The following HECW2 variants were observed in gnomAD, a reference collection of about 807,000 sequenced individuals.
The protein encoded by HECW2 is E3 ubiquitin-protein ligase HECW2.
HECW2 carries 61 observed loss-of-function variants against 175.2 expected under a neutral mutation model. The observed-to-expected ratio is 0.35, with a 90% confidence interval of 0.28 to 0.43. HECW2 has a LOEUF of 0.43. Ranked by LOEUF, HECW2 falls within the 20% of genes least tolerant of loss-of-function variation. The pLI is 1.00. For missense variants in HECW2, 1,524 were observed against 2,000.5 expected, an observed-to-expected ratio of 0.76 and a Z score of 4.54; for synonymous variants, 671 against 731.0, an observed-to-expected ratio of 0.92 and a Z score of 1.32.
At position 196,489,712 on chromosome 2, in the gene HECW2, T is replaced by C. The variant is rs938386135; in HGVS notation, c.-35-56254A>G. ...GGAAGTAGGTCTTTTACTAAGGAAA[T>C]AACCCAAAGAGAAGTGGGAAGGCAG... On this transcript the variant is annotated intron_variant, in intron 1 of 28. Coordinates refer to ENST00000644978, the MANE Select transcript of HECW2 (RefSeq NM_001348768.2). Among the ~76,000 whole-genome samples, 7 of 152,244 alleles carry C rather than the reference T, an allele frequency of 4.6e-5. 1 individual carries two copies. In the East Asian group the frequency reaches 9.7e-4, roughly 21 times the overall value.
chr2:196,588,728 T>C (rs991239628), intron 1 of HECW2, among the ~76,000 whole-genome samples: 8 of 152,212 alleles, frequency 5.3e-5, no homozygotes, highest in Non-Finnish European at 7.3e-5. Flanking sequence ...CATATGGATA[T>C]AATACATATA....
At chr2:196,521,282 C>CAAAAAAAAAAAAAAAA (rs1158051512) in intron 1 of HECW2, among the ~76,000 whole-genome samples, 3 of 53,682 alleles carry the variant, frequency 5.6e-5, no homozygotes, top group Admixed American at 2.6e-4. Flanking sequence ...ACGTGAGTAA[C>CAAAAAAAAAAAAAAAA]AAAAAAAAAA....
At position 196,363,775 on chromosome 2, in the gene HECW2, A is replaced by G. The variant is rs140841909; in HGVS notation, c.293-20011T>C. On this transcript the variant is annotated intron_variant, in intron 2 of 28. Transcript: ENST00000644978. Reference sequence around the variant, plus strand: ...GGAGTTTGAGGCTACAGTGAGCTACAATCCTGCCAATGCTAATCAGCCTGG... The same window carrying G: ...GGAGTTTGAGGCTACAGTGAGCTACGATCCTGCCAATGCTAATCAGCCTGG... Among the ~76,000 whole-genome samples the G allele has an allele frequency of 6.6e-3, 1,008 of 152,318 alleles. 8 individuals carry two copies. Among genetic ancestry groups the G allele is most frequent in the Middle Eastern group, 0.02 (6 of 294 alleles).
At chr2:196,355,954 C>T (rs948891820) in intron 2 of HECW2, among the ~76,000 whole-genome samples, 3 of 152,102 alleles carry the variant, frequency 2.0e-5, no homozygotes, top group Non-Finnish European at 2.9e-5. Context: ...GGGGACTGAA[C>T]CACAGGGAGA....
In HECW2 at chr2:196,217,073, C is replaced by T. The variant is rs1276088748; in HGVS notation, c.4429G>A (p.Val1477Ile). The change falls in exon 27 of 29, where the codon GTA (valine) becomes ATA (isoleucine). Residue 1477 changes from valine to isoleucine, a missense_variant. Physicochemically the swap from Val to Ile is conservative, Grantham distance 29. Around this residue, in one of 11 missense-constraint regions of HECW2, gnomAD observed 134 missense variants for 287.8 expected, o/e 0.47. Coordinates refer to ENST00000644978, the MANE Select transcript of HECW2 (RefSeq NM_001348768.2). ...ACTGCAGCCCAGAACCACCGAATTA[C>T]AATATGATTGTCATGGTATCCTATC... is the stretch of plus-strand genomic sequence containing the variant. ...YRGGYHDNHI[V>I]IRWFWAAVER... 1.3e-6 allele frequency: 2 copies of T among 1,581,236 alleles called. No homozygotes were observed. The highest frequency in any genetic ancestry group is 1.7e-6 in the Non-Finnish European group (2 of 1,167,552).
In HECW2 at chr2:196,292,681, G is replaced by C; in HGVS notation, c.2884C>G (p.His962Asp). 1 of 1,614,098 alleles carries C rather than the reference G, an allele frequency of 6.2e-7. No homozygotes were observed. The highest frequency in any genetic ancestry group is 1.1e-5 in the South Asian group (1 of 91,076). Residue 962 changes from histidine (H) to aspartate (D), a missense_variant, in exon 14 of 29, where the codon CAC (histidine) becomes GAC (aspartate). By Grantham distance (81) the His-to-Asp change is moderately conservative. Coordinates refer to ENST00000644978, the MANE Select transcript of HECW2 (RefSeq NM_001348768.2). ...TTATGCTGGTAGCGTTCAAAGTGGT[G>C]GGTGTCCCTCCGGACTTTGGTGATC... ...HMITKVRRDT[H>D]HFERYQHNRD...
chr2:196,248,623 C>CAG lies in HECW2; in HGVS notation c.3529+5296_3529+5297insCT, dbSNP rs10641361. ...ACACACACACACACACACACACACA[C>CAG]ACACACACAGAGAGAGACAGAGAGG... On this transcript the variant is annotated intron_variant, in intron 19 of 28. Coordinates refer to ENST00000644978, the MANE Select transcript of HECW2 (RefSeq NM_001348768.2). Among the ~76,000 whole-genome samples, 1,237 of 148,410 alleles carry CAG rather than the reference C, an allele frequency of 8.3e-3. 23 individuals are homozygous for CAG. Among genetic ancestry groups the CAG allele is most frequent in the African/African-American group, 0.031 (1,190 of 38,654 alleles).
At chr2:196,381,836 AATT>A (rs529485186) in intron 2 of HECW2, among the ~76,000 whole-genome samples, 17 of 152,340 alleles carry the variant, frequency 1.1e-4, no homozygotes, top group Middle Eastern at 3.4e-3. Context: ...ACTGAAATAA[AATT>A]AAACGTAATA....
At chr2:196,460,270 T>C (rs753420999) in intron 1 of HECW2, among the ~76,000 whole-genome samples, 2 of 152,164 alleles carry the variant, frequency 1.3e-5, no homozygotes, top group Non-Finnish European at 2.9e-5. Context: ...CTAAGAAATA[T>C]CAAGTAAGAC....
intron 1 of HECW2, among the ~76,000 whole-genome samples, chr2:196,561,485 T>C (rs563469643): frequency 6.6e-6 from 1 of 152,336 alleles, no homozygotes; most frequent in East Asian, 1.9e-4. Flanking sequence ...ATGTGATCTT[T>C]GTGACCCACA....
intron 2 of HECW2, among the ~76,000 whole-genome samples, chr2:196,414,582 T>G (rs1177417182): frequency 6.6e-6 from 1 of 152,184 alleles, no homozygotes; most frequent in Non-Finnish European, 1.5e-5. Flanking sequence ...AGACTTGCAC[T>G]TGCAAATTCC....
intron 1 of HECW2, among the ~76,000 whole-genome samples, chr2:196,525,967 C>T (rs1688625222): frequency 1.2e-5 from 1 of 81,192 alleles, no homozygotes; most frequent in Non-Finnish European, 2.4e-5. Context: ...TGGAGTTGCT[C>T]TTCTCGAGGA....
chr2:196,430,020 G>A (rs1242057876), intron 2 of HECW2, among the ~76,000 whole-genome samples: 1 of 152,174 alleles, frequency 6.6e-6, no homozygotes, highest in Middle Eastern at 3.2e-3. Context: ...CCCAGCCAGA[G>A]TGAAGAGACC....
intron 1 of HECW2, among the ~76,000 whole-genome samples, chr2:196,449,259 T>G (rs1217185265): frequency 1.3e-5 from 2 of 152,228 alleles, no homozygotes; most frequent in African/African-American, 4.8e-5. Context: ...CTTGAAACTA[T>G]GAGTTGTATG....
intron 2 of HECW2, among the ~76,000 whole-genome samples, chr2:196,400,820 C>CAAAA (rs56242100): frequency 3.7e-5 from 5 of 134,840 alleles, no homozygotes; most frequent in Non-Finnish European, 6.5e-5. Context: ...CCACAAAATG[C>CAAAA]AAAAAAAAAA....
intron 13 of HECW2, among the ~76,000 whole-genome samples, chr2:196,296,646 G>A (rs1021217532): frequency 6.6e-6 from 1 of 152,188 alleles, no homozygotes; most frequent in African/African-American, 2.4e-5. Flanking sequence ...GATGAGCAAG[G>A]CCTGATCATT....
intron 2 of HECW2, among the ~76,000 whole-genome samples, chr2:196,355,361 G>A (rs1275721012): frequency 2.6e-5 from 4 of 152,160 alleles, no homozygotes; most frequent in African/African-American, 7.2e-5. Context: ...GGTGAAGTAT[G>A]GCCAGCATTT....
At chr2:196,222,969 A>G (rs1687723384) in intron 23 of HECW2, among the ~76,000 whole-genome samples, 1 of 152,024 alleles carries the variant, frequency 6.6e-6, no homozygotes, top group Non-Finnish European at 1.5e-5. Flanking sequence ...AATCGACATG[A>G]GGTAAGTTAC....
At chr2:196,532,484 G>A (rs79001654) in intron 1 of HECW2, among the ~76,000 whole-genome samples, 1 of 152,096 alleles carries the variant, frequency 6.6e-6, no homozygotes, top group Non-Finnish European at 1.5e-5. Flanking sequence ...GTCAGGGGGT[G>A]GGTGTCTAGG....
Sources: allele counts gnomAD v4.1 joint callset (sites outside exome capture counted in the v4.1 genomes callset), GRCh38; gene constraint gnomAD v4.1.1; regional missense constraint gnomAD v4.1.1; transcripts MANE v1.5; gene names NCBI Gene and HGNC (gene_info 2026-07-23, HGNC 2026-07-21).